MGST1: variants seen among roughly 807,000 people sequenced by gnomAD.
MGST1 encodes the protein glutathione S-transferase 12.
A neutral mutation model predicts 8.9 loss-of-function variants in MGST1; 5 were observed. The ratio of observed to expected loss-of-function variants is 0.56; its 90% CI spans 0.29 to 1.19. MGST1 has a LOEUF of 1.19. Ranked by LOEUF, MGST1 falls within the 50% of genes most tolerant of loss-of-function variation. The probability of loss-of-function intolerance (pLI) is 0.08; values close to 1 mark genes in which losing one functional copy is unlikely to be tolerated. For missense variants in MGST1, 182 were observed against 187.4 expected (o/e 0.97, Z 0.17); for synonymous variants, 54 against 67.8 (o/e 0.80, Z 1.00).
rs1319105703 is a variant in MGST1 at position 16,413,312 on chromosome 12, G to A, written n.779-24076G>A. On this transcript the variant is annotated intron_variant and non_coding_transcript_variant, in intron 1 of 1. Transcript: ENST00000359720. This position sits in a 1 kb window ranked among gnomAD's most constrained non-coding sequence, Gnocchi z 4.0. ...TAGCCACTGCTCAGGTAGCTGTCAAGGGAGAGTCTTACAGACACAACTGCC... is the reference window on the plus strand; with the variant it reads ...TAGCCACTGCTCAGGTAGCTGTCAAAGGAGAGTCTTACAGACACAACTGCC... 1.3e-5 allele frequency among the ~76,000 whole-genome samples: 2 copies of A among 152,154 alleles called. No homozygotes were observed. The highest frequency in any genetic ancestry group is 4.8e-5 in the African/African-American group (2 of 41,428).
rs868473906 is a variant in MGST1, at chr12:16,513,505, G to T, written n.483-76023G>T. On this transcript the variant is annotated intron_variant and non_coding_transcript_variant, in intron 4 of 4. Transcript: ENST00000538857. The surrounding 1 kb of genome is among the most constrained non-coding windows in gnomAD (Gnocchi z 4.2). ...CTCCTGGTGGACCCATGTGGAGATG[G>T]GACCACCAGATCCCATCCTTGGAGT... 6.4e-6 allele frequency: 3 copies of T among 472,376 alleles called. No homozygotes were observed. The highest frequency in any genetic ancestry group is 2.4e-5 in the Admixed American group (1 of 42,074). The allele number at this position is 472,376 out of a possible 1,614,324, so 29.3% of individuals were successfully genotyped here.
chr12:16,482,620 G>C lies in MGST1; in HGVS notation n.482+99016G>C, dbSNP rs552495072. Among the ~76,000 whole-genome samples, 1 of 135,888 alleles carries C rather than the reference G, an allele frequency of 7.4e-6. No homozygotes were observed. The highest frequency in any genetic ancestry group is 2.6e-4 in the South Asian group (1 of 3,776). 89.1% of individuals were successfully genotyped at this position (135,888 alleles called of 152,430 possible). ...CACTCCAGCCTGGGTTACAGAGCAA[G>C]ACTCTGTCTGGAAGAAAAAAAAAAA... is the stretch of plus-strand genomic sequence containing the variant. On this transcript the variant is annotated intron_variant and non_coding_transcript_variant, in intron 4 of 4. Transcript: ENST00000538857. This position sits in a 1 kb window ranked among gnomAD's most constrained non-coding sequence, Gnocchi z 4.2.
intron 4 of MGST1, among the ~76,000 whole-genome samples, chr12:16,474,090 A>G: frequency 6.6e-6 from 1 of 152,174 alleles, no homozygotes; most frequent in East Asian, 1.9e-4. Context: ...TTCAGTTGGA[A>G]CAGCTCCCAT....
At chr12:16,357,198 T>C (rs1352566230) in intron 2 of MGST1, among the ~76,000 whole-genome samples, 3 of 152,222 alleles carry the variant, frequency 2.0e-5, no homozygotes, top group African/African-American at 7.2e-5. Flanking sequence ...GATGTCTATA[T>C]TTCTTCCACT....
At chr12:16,484,278 G>C (rs555681808) in intron 4 of MGST1, among the ~76,000 whole-genome samples, 125 of 152,300 alleles carry the variant, frequency 8.2e-4, no homozygotes, top group African/African-American at 3.0e-3. Context: ...AGAATCTATA[G>C]CTAGGATTTG....
intron 4 of MGST1, among the ~76,000 whole-genome samples, chr12:16,526,419 G>A (rs1941687285): frequency 6.6e-6 from 1 of 151,952 alleles, no homozygotes; most frequent in South Asian, 2.1e-4. Flanking sequence ...AGTGCGGTAT[G>A]TTGCTGGGGA....
intron 4 of MGST1, among the ~76,000 whole-genome samples, chr12:16,509,765 G>A (rs1333277547): frequency 6.6e-6 from 1 of 152,008 alleles, no homozygotes; most frequent in East Asian, 1.9e-4. Context: ...CAATCTTTAG[G>A]GGAACAAGGA....
At chr12:16,489,923 C>T (rs1941427906) in intron 4 of MGST1, among the ~76,000 whole-genome samples, 1 of 152,050 alleles carries the variant, frequency 6.6e-6, no homozygotes, top group Admixed American at 6.6e-5. Flanking sequence ...ATGTGAGTTA[C>T]TTTGGTCAAA....
chr12:16,407,422 G>A (rs1940704967), intron 1 of MGST1, among the ~76,000 whole-genome samples: 1 of 152,118 alleles, frequency 6.6e-6, no homozygotes, highest in Non-Finnish European at 1.5e-5. Context: ...ACAGATGCCG[G>A]CAAGGTTGTG....
At chr12:16,574,193 T>C (rs957715594) in intron 4 of MGST1, among the ~76,000 whole-genome samples, 2 of 152,036 alleles carry the variant, frequency 1.3e-5, no homozygotes, top group Admixed American at 6.6e-5. Context: ...GCTAGAAATT[T>C]TGTATTACAT....
intron 4 of MGST1, among the ~76,000 whole-genome samples, chr12:16,541,228 T>G (rs1461459678): frequency 6.6e-6 from 1 of 152,186 alleles, no homozygotes; most frequent in Non-Finnish European, 1.5e-5. Flanking sequence ...TACATGTAAA[T>G]ATTATCTTTG....
intron 1 of MGST1, among the ~76,000 whole-genome samples, chr12:16,409,391 G>T (rs1437080942): frequency 1.3e-5 from 2 of 152,044 alleles, no homozygotes; most frequent in Non-Finnish European, 2.9e-5. Context: ...TACCCACAAA[G>T]TATCTTTGTA....
At chr12:16,365,558 G>A (rs1434090358), downstream of MGST1, among the ~76,000 whole-genome samples, 2 of 152,194 alleles carry the variant, frequency 1.3e-5, no homozygotes, top group African/African-American at 2.4e-5. Context: ...AATTGACTAC[G>A]TAGAATTCCA....
intron 4 of MGST1, among the ~76,000 whole-genome samples, chr12:16,479,392 GC>G (rs1941349070): frequency 6.6e-6 from 1 of 150,490 alleles, no homozygotes; most frequent in South Asian, 2.1e-4. Context: ...CCGCCACCAC[GC>G]CCGGCTAATT....
At chr12:16,583,480 A>G (rs1943229017) in intron 4 of MGST1, among the ~76,000 whole-genome samples, 1 of 152,216 alleles carries the variant, frequency 6.6e-6, no homozygotes, top group African/African-American at 2.4e-5. Flanking sequence ...TTACCTCATA[A>G]AATGAAGACA....
In MGST1 at chr12:16,511,116, G is replaced by T. The variant is rs11056966; in HGVS notation, n.483-78412G>T. Among the ~76,000 whole-genome samples, 1,285 of 152,220 alleles carry T rather than the reference G, an allele frequency of 8.4e-3. 49 individuals are homozygous for T. The East Asian group carries it at 0.14, about 16-fold the overall frequency. On this transcript the variant is annotated intron_variant and non_coding_transcript_variant, in intron 4 of 4. Transcript: ENST00000538857. ...TCAAAGTTAATATAATTTTTAAATT[G>T]TTTGCATTTTTAAAATTTTTTTGAC...
chr12:16,556,233 G>T (rs965133933), intron 4 of MGST1, among the ~76,000 whole-genome samples: 1 of 152,082 alleles, frequency 6.6e-6, no homozygotes, highest in Non-Finnish European at 1.5e-5. Context: ...AGGAGAAGGG[G>T]CTTATTCACC....
intron 1 of MGST1, among the ~76,000 whole-genome samples, chr12:16,417,976 G>A (rs189767051): frequency 6.6e-6 from 1 of 152,114 alleles, no homozygotes; most frequent in African/African-American, 2.4e-5. Flanking sequence ...ATGGGGACTA[G>A]GAAATCTTCA....
chr12:16,391,321 C>T (rs533912776), intron 1 of MGST1, among the ~76,000 whole-genome samples: 18 of 151,550 alleles, frequency 1.2e-4, no homozygotes, highest in Non-Finnish European at 2.2e-4. Context: ...TCCCTTTCCC[C>T]CCACCCCCCG....
Sources: allele counts gnomAD v4.1 joint callset (sites outside exome capture counted in the v4.1 genomes callset), GRCh38; gene constraint gnomAD v4.1.1; non-coding constraint Gnocchi (gnomAD v3.1); transcripts MANE v1.5; gene names NCBI Gene and HGNC (gene_info 2026-07-23, HGNC 2026-07-21).